The following ACVR2B variants were observed in gnomAD, a reference collection of about 807,000 sequenced individuals.
The protein encoded by ACVR2B is activin receptor type-2B.
In ACVR2B, 18 loss-of-function variants were observed where a neutral mutation model predicts 65.1. The ratio of observed to expected loss-of-function variants is 0.28; its 90% CI spans 0.19 to 0.41. The LOEUF is 0.41. Among genes scored for constraint, ACVR2B ranks in the 10% least tolerant of loss-of-function variants. The pLI is 1.00. For synonymous variants in ACVR2B, 298 were observed against 277.7 expected, an observed-to-expected ratio of 1.07 and a Z score of -0.73; for missense variants, 482 against 682.7, an observed-to-expected ratio of 0.71 and a Z score of 3.28.
rs771809402 is a variant in ACVR2B at position 38,477,396 on chromosome 3, C to T, written c.162C>T (p.Asp54=). The T allele has an allele frequency of 1.9e-6, 3 of 1,614,180 alleles. No homozygotes were observed. The highest frequency in any genetic ancestry group is 2.5e-6 in the Non-Finnish European group (3 of 1,180,018). The change falls in exon 2 of 11, where the codon GAC becomes GAT. Residue 54 remains aspartate (D), a synonymous_variant. Coordinates refer to ENST00000352511, the MANE Select transcript of ACVR2B (RefSeq NM_001106.4). The surrounding 1 kb of genome is among the most constrained non-coding windows in gnomAD (Gnocchi z 6.7). ...TGGAGCGCTGCGAAGGCGAGCAGGA[C>T]AAGCGGCTGCACTGCTACGCCTCCT... is the stretch of plus-strand genomic sequence containing the variant. ...SGLERCEGEQ[D]KRLHCYASWR... is the part of the protein sequence containing the mutation.
Position 38,481,265 on chromosome 3 carries a change from T to C in ACVR2B, c.960-86T>C, listed in dbSNP as rs557091815. The stretch of plus-strand genomic sequence containing the variant: ...GATGGCCTGGTCTGGGGCCTGACTC[T>C]AGGGCACAGACTCTAGTATCTTGGG... On this transcript the variant is annotated intron_variant, in intron 7 of 10. Coordinates refer to ENST00000352511, the MANE Select transcript of ACVR2B (RefSeq NM_001106.4). The surrounding 1 kb of genome is among the most constrained non-coding windows in gnomAD (Gnocchi z 4.7). 2.3e-5 allele frequency: 27 copies of C among 1,181,696 alleles called. 1 individual carries two copies. The highest frequency in any genetic ancestry group is 3.2e-5 in the Non-Finnish European group (25 of 789,926). The allele number at this position is 1,181,696 out of a possible 1,614,324, so 73.2% of individuals were successfully genotyped here. A position where few individuals can be genotyped will look rare whatever the true frequency, so the allele number is the denominator to read the frequency against.
intron 1 of ACVR2B, among the ~76,000 whole-genome samples, chr3:38,458,229 C>A (rs76932339): frequency 0.023 from 3,481 of 152,314 alleles, 146 homozygotes; most frequent in African/African-American, 0.079. Flanking sequence ...ACCTAAGGAA[C>A]TCCTGTTATA....
At chr3:38,464,504 C>T (rs1231983506) in intron 1 of ACVR2B, among the ~76,000 whole-genome samples, 2 of 152,152 alleles carry the variant, frequency 1.3e-5, no homozygotes, top group Non-Finnish European at 2.9e-5. Context: ...CATTGTATAT[C>T]TAAGAAGATA....
chr3:38,479,063 G>A, intron 5 of ACVR2B, 65 bp from the exon 6 acceptor site: 2 of 1,600,344 alleles, frequency 1.2e-6, no homozygotes, highest in Middle Eastern at 2.1e-4. Flanking sequence ...CTGCTGTAGG[G>A]CAATGTGACT....
At chr3:38,455,916 G>A (rs1709542648) in intron 1 of ACVR2B, among the ~76,000 whole-genome samples, 1 of 152,162 alleles carries the variant, frequency 6.6e-6, no homozygotes, top group Admixed American at 6.5e-5. Context: ...CAGACCCGCT[G>A]GGTGCCTGAT....
chr3:38,458,951 C>T (rs1709594204), intron 1 of ACVR2B, among the ~76,000 whole-genome samples: 1 of 152,144 alleles, frequency 6.6e-6, no homozygotes, highest in African/African-American at 2.4e-5. Flanking sequence ...AGCAGTATCC[C>T]CGCCTCTACC....
intron 1 of ACVR2B, among the ~76,000 whole-genome samples, chr3:38,457,196 C>T (rs142059497): frequency 0.018 from 2,171 of 123,052 alleles, 23 homozygotes; most frequent in Non-Finnish European, 0.032. Flanking sequence ...GAGTGAGGCT[C>T]CGTCTCAAAA....
At position 38,477,834 on chromosome 3, in the gene ACVR2B, G is replaced by C. The variant is rs746917970; in HGVS notation, c.261-27G>C. Reference sequence around the variant, plus strand: ...GGAGTCTTGCATCCCCCAGGTGAGGGGTATATGGAAAATTCTGTGCCTCCA... The same window carrying C: ...GGAGTCTTGCATCCCCCAGGTGAGGCGTATATGGAAAATTCTGTGCCTCCA... On this transcript the variant is annotated intron_variant, in intron 2 of 10. Transcript: ENST00000352511. The surrounding 1 kb of genome is among the most constrained non-coding windows in gnomAD (Gnocchi z 6.7). 26 of 1,608,996 alleles carry C rather than the reference G, an allele frequency of 1.6e-5. No individual in the cohort carries two copies. The Admixed American group carries it at 4.3e-4, about 27-fold the overall frequency.
rs770416991 is a variant in ACVR2B, at chr3:38,481,508, G to T, written c.1074+43G>T. 1.9e-6 allele frequency: 3 copies of T among 1,551,380 alleles called. No individual in the cohort carries two copies. The highest frequency in any genetic ancestry group is 2.7e-6 in the Non-Finnish European group (3 of 1,123,486). ...GCAGGAAGAGAGGGACAGACCCAGG[G>T]TAGATACTTTGCCCTTTTTGTGCTC... On this transcript the variant is annotated intron_variant, in intron 8 of 10. Transcript: ENST00000352511. The surrounding 1 kb of genome is among the most constrained non-coding windows in gnomAD (Gnocchi z 4.7).
intron 7 of ACVR2B, among the ~76,000 whole-genome samples, chr3:38,480,571 T>C (rs901607508): frequency 6.6e-6 from 1 of 152,326 alleles, no homozygotes; most frequent in Non-Finnish European, 1.5e-5. Flanking sequence ...TCTGGTTCTG[T>C]GACTGTGAGG....
At position 38,483,122 on chromosome 3, in the gene ACVR2B, G is replaced by T. The variant is rs769624457; in HGVS notation, c.1345-16G>T. On this transcript the variant is annotated splice_polypyrimidine_tract_variant and intron_variant, in intron 10 of 10. Coordinates refer to ENST00000352511, the MANE Select transcript of ACVR2B (RefSeq NM_001106.4). The surrounding 1 kb of genome is among the most constrained non-coding windows in gnomAD (Gnocchi z 4.8). ...CCTAACAAAGGTGTCTTTCCTGTCT[G>T]CCCTATGCTGCTTAGGGCCTGGCCC... The T allele has an allele frequency of 6.2e-7, 1 of 1,614,012 alleles. No homozygotes were observed. The highest frequency in any genetic ancestry group is 1.1e-5 in the South Asian group (1 of 91,084).
intron 1 of ACVR2B, among the ~76,000 whole-genome samples, chr3:38,458,119 G>A (rs997923002): frequency 2.6e-5 from 4 of 152,076 alleles, no homozygotes; most frequent in African/African-American, 4.8e-5. Flanking sequence ...TAAACCCTAT[G>A]GCCTCCCATC....
At chr3:38,458,297 T>A (rs1709583913) in intron 1 of ACVR2B, among the ~76,000 whole-genome samples, 1 of 152,220 alleles carries the variant, frequency 6.6e-6, no homozygotes, top group African/African-American at 2.4e-5. Flanking sequence ...TAGACCCCTC[T>A]GAGAATCTGA....
In ACVR2B at chr3:38,483,948, G is replaced by T. The variant is rs1336886843; in HGVS notation, c.*616G>T. 6.5e-6 allele frequency: 1 copy of T among 153,408 alleles called. No homozygotes were observed. Among genetic ancestry groups the T allele is most frequent in the African/African-American group, 2.4e-5 (1 of 41,458 alleles). The allele number at this position is 153,408 out of a possible 1,614,324, so 9.5% of individuals were successfully genotyped here. A position where few individuals can be genotyped will look rare whatever the true frequency, so the allele number is the denominator to read the frequency against. On this transcript the variant is annotated 3_prime_UTR_variant, in exon 11 of 11. Transcript: ENST00000352511. The surrounding 1 kb of genome is among the most constrained non-coding windows in gnomAD (Gnocchi z 4.8). Reference sequence around the variant, plus strand: ...TCGAGAAAAAAACTGGGATGAGAATGGTTTGGACTGGAGTTGGAAGGGGAG... The same window carrying T: ...TCGAGAAAAAAACTGGGATGAGAATTGTTTGGACTGGAGTTGGAAGGGGAG...
chr3:38,479,067 T>C, intron 5 of ACVR2B, 61 bp from the exon 6 acceptor site: 2 of 1,608,428 alleles, frequency 1.2e-6, no homozygotes, highest in Non-Finnish European at 8.5e-7. Context: ...TGTAGGGCAA[T>C]GTGACTGCAG....
At chr3:38,459,125 G>A (rs1179854754) in intron 1 of ACVR2B, among the ~76,000 whole-genome samples, 3 of 152,192 alleles carry the variant, frequency 2.0e-5, no homozygotes, top group Admixed American at 2.0e-4. Flanking sequence ...AGAAGTAGGG[G>A]TAACGGCTTT....
intron 7 of ACVR2B, among the ~76,000 whole-genome samples, chr3:38,480,390 T>C (rs1362444089): frequency 6.6e-6 from 1 of 152,228 alleles, no homozygotes; most frequent in Non-Finnish European, 1.5e-5. Context: ...ATCACTGTCA[T>C]GCTTACTAAA....
Position 38,453,965 on chromosome 3 carries a change from G to T in ACVR2B, c.-358G>T, listed in dbSNP as rs1281065372. 1 of 24,912 alleles carries T rather than the reference G, an allele frequency of 4.0e-5. No homozygotes were observed. The allele number at this position is 24,912 out of a possible 1,614,324, so 1.5% of individuals were successfully genotyped here. On this transcript the variant is annotated 5_prime_UTR_variant, in exon 1 of 11. Transcript: ENST00000352511. ...TCCCCTCCCCCCCACCCCTCCCCCC[G>T]TTCATGGCCCCTCCGGACTCGGCCC...
Position 38,459,983 on chromosome 3 carries a change from A to G in ACVR2B, c.52+5609A>G, listed in dbSNP as rs73825574. On this transcript the variant is annotated intron_variant, in intron 1 of 10. Transcript: ENST00000352511. ...ACTCTGTCTGTCTCATCTTGAACTC[A>G]GTGAGACACAGTTTGCTGCACTGGG... is the stretch of plus-strand genomic sequence containing the variant. 3.0e-3 allele frequency among the ~76,000 whole-genome samples: 450 copies of G among 152,286 alleles called. 7 individuals carry two copies. The highest frequency in any genetic ancestry group is 0.01 in the African/African-American group (419 of 41,552).
Sources: gnomAD v4.1 joint callset for allele counts (sites outside exome capture counted in the v4.1 genomes callset) on GRCh38, gnomAD v4.1.1 for gene constraint, Gnocchi (gnomAD v3.1) non-coding constraint, MANE v1.5 for transcripts, NCBI Gene and HGNC (gene_info 2026-07-23, HGNC 2026-07-21) for gene names.